Variants in NADSYN1 observed in about 807,000 individuals in gnomAD.
The protein encoded by NADSYN1 is glutamine-dependent NAD(+) synthetase.
Under a neutral mutation model 99.3 loss-of-function variants are expected in NADSYN1, and 80 were observed. The ratio of observed to expected loss-of-function variants is 0.81; its 90% CI spans 0.67 to 0.97. The LOEUF (loss-of-function observed/expected upper bound fraction) is 0.97, where lower values mean the gene tolerates loss of function less well. Ranked by LOEUF, NADSYN1 falls within the 50% of genes least tolerant of loss-of-function variation. NADSYN1 has a pLI of 0.00. For synonymous variants in NADSYN1, 385 were observed against 372.1 expected (o/e 1.03, Z -0.40); for missense variants, 859 against 948.5 (o/e 0.91, Z 1.24).
At chr11:71,487,516 G>C (rs1175707630) in intron 16 of NADSYN1, among the ~76,000 whole-genome samples, 1 of 152,124 alleles carries the variant, frequency 6.6e-6, no homozygotes, top group Non-Finnish European at 1.5e-5. Flanking sequence ...GGAGCTGGAA[G>C]GTCTCTAGAT....
At chr11:71,481,076 CT>C in intron 11 of NADSYN1, 197 bp downstream of exon 11, 1 of 737,330 alleles carries the variant, frequency 1.4e-6, no homozygotes, top group Non-Finnish European at 2.2e-6. Context: ...AGCCCTGCTG[CT>C]TCCCCGTGCT....
chr11:71,474,320 C>T, intron 8 of NADSYN1, 75 bp from the exon 9 acceptor site: 1 of 1,595,254 alleles, frequency 6.3e-7, no homozygotes. Context: ...GGCGGAGGTT[C>T]CTGTACTTGG....
intron 2 of NADSYN1, chr11:71,455,432 T>A: frequency 2.1e-6 from 1 of 469,236 alleles, no homozygotes; most frequent in Non-Finnish European, 3.8e-6. Context: ...GGGCTGCTTC[T>A]GTGTTACCAC....
At chr11:71,491,207 C>T (rs1237872558) in intron 17 of NADSYN1, among the ~76,000 whole-genome samples, 5 of 152,252 alleles carry the variant, frequency 3.3e-5, no homozygotes, top group South Asian at 2.1e-4. Context: ...CTGCCTCCCC[C>T]GCCTGCCCTG....
chr11:71,498,824 A>G (rs1949838088), intron 20 of NADSYN1: 2 of 241,080 alleles, frequency 8.3e-6, no homozygotes, highest in South Asian at 1.2e-4. Context: ...CACGCCTATT[A>G]TTTGTGTGTG....
chr11:71,481,546 G>C, intron 12 of NADSYN1, 142 bp downstream of exon 12: 1 of 870,530 alleles, frequency 1.1e-6, no homozygotes, highest in Non-Finnish European at 1.8e-6. Context: ...TCCATGGGGA[G>C]CTTAGTCTGT....
chr11:71,466,582 T>C (rs899621101), intron 5 of NADSYN1: 1 of 152,246 alleles, frequency 6.6e-6, no homozygotes, highest in African/African-American at 2.4e-5. Flanking sequence ...TCCAAGGCTG[T>C]AATTTCACTC....
Sources: allele counts gnomAD v4.1 joint callset (sites outside exome capture counted in the v4.1 genomes callset), GRCh38; gene constraint gnomAD v4.1.1; transcripts MANE v1.5; gene names NCBI Gene and HGNC (gene_info 2026-07-23, HGNC 2026-07-21).